Variants in PRICKLE2 observed in about 807,000 individuals in gnomAD.
PRICKLE2 encodes the protein prickle-like protein 2.
A neutral mutation model predicts 81.4 loss-of-function variants in PRICKLE2; 21 were observed. The observed-to-expected ratio is 0.26, with a 90% CI of 0.18 to 0.37. The LOEUF (loss-of-function observed/expected upper bound fraction) is 0.37. Among genes scored for constraint, PRICKLE2 ranks in the 10% least tolerant of loss-of-function variants. PRICKLE2 has a pLI of 1.00. For missense variants in PRICKLE2, 940 were observed against 1,109.0 expected (o/e 0.85, Z 2.16); for synonymous variants, 456 against 421.5 (o/e 1.08, Z -1.00).
intron 7 of PRICKLE2, among the ~76,000 whole-genome samples, chr3:64,109,183 G>C (rs967036981): frequency 6.6e-6 from 1 of 152,162 alleles, no homozygotes; most frequent in African/African-American, 2.4e-5. Flanking sequence ...TCTTTCTAGA[G>C]AAGGATTATC....
intron 7 of PRICKLE2, among the ~76,000 whole-genome samples, chr3:64,103,312 A>C (rs370282320): frequency 5.3e-5 from 8 of 152,190 alleles, no homozygotes; most frequent in African/African-American, 1.9e-4. Context: ...GAATTTTCCA[A>C]ACCAAACTGT....
chr3:64,258,960 T>C (rs1417629429), intron 2 of PRICKLE2, among the ~76,000 whole-genome samples: 1 of 152,040 alleles, frequency 6.6e-6, no homozygotes, highest in Non-Finnish European at 1.5e-5. Context: ...GGTAATATTT[T>C]ATTTCTTGAT....
Position 64,095,896 on chromosome 3 carries a change from C to A in PRICKLE2, c.*3155G>T, listed in dbSNP as rs909334019. On this transcript the variant is annotated 3_prime_UTR_variant, in exon 8 of 8. Transcript: ENST00000638394. ...CTCCCTTACCTCATTCACCTTCACACTTGGTAGAGATCCCACAACTATATG... is the reference window on the plus strand; with the variant it reads ...CTCCCTTACCTCATTCACCTTCACAATTGGTAGAGATCCCACAACTATATG... 5 of 152,232 alleles carry A rather than the reference C, an allele frequency of 3.3e-5. No homozygotes were observed. The highest frequency in any genetic ancestry group is 1.2e-4 in the African/African-American group (5 of 41,448). The allele number at this position is 152,232 out of a possible 1,614,324, so 9.4% of individuals were successfully genotyped here. A position where few individuals can be genotyped will look rare whatever the true frequency, so the allele number is the denominator to read the frequency against.
At chr3:64,100,030 A>G (rs565413382) in intron 7 of PRICKLE2, 105 bp from the exon 8 acceptor site, 1 of 1,307,920 alleles carries the variant, frequency 7.6e-7, no homozygotes, top group Admixed American at 1.7e-5. Flanking sequence ...ACCGTTGTGA[A>G]GTTGTGTACT....
intron 4 of PRICKLE2, among the ~76,000 whole-genome samples, chr3:64,159,504 A>C (rs1298841817): frequency 6.6e-6 from 1 of 152,120 alleles, no homozygotes; most frequent in Non-Finnish European, 1.5e-5. Context: ...CCATTGGCCA[A>C]CTCACTGTTG....
intron 1 of PRICKLE2, among the ~76,000 whole-genome samples, chr3:64,217,595 T>C (rs759473466): frequency 6.6e-6 from 1 of 152,212 alleles, no homozygotes; most frequent in Non-Finnish European, 1.5e-5. Flanking sequence ...TTTACTAAAC[T>C]GGAAAGAGAA....
At chr3:64,215,024 T>G (rs1251634483) in intron 1 of PRICKLE2, among the ~76,000 whole-genome samples, 1 of 152,132 alleles carries the variant, frequency 6.6e-6, no homozygotes, top group African/African-American at 2.4e-5. Context: ...CCTGCCTCCA[T>G]GCCTGCCCTT....
At chr3:64,110,456 T>A (rs557126524) in intron 7 of PRICKLE2, among the ~76,000 whole-genome samples, 1 of 152,232 alleles carries the variant, frequency 6.6e-6, no homozygotes, top group South Asian at 2.1e-4. Context: ...CGTAGAAGGA[T>A]ATGACCTAGT....
intron 1 of PRICKLE2, among the ~76,000 whole-genome samples, chr3:64,221,273 C>G (rs1461058510): frequency 6.6e-6 from 1 of 152,204 alleles, no homozygotes; most frequent in East Asian, 1.9e-4. Context: ...GCCTTATCCC[C>G]AGGGAAATAA....
chr3:64,180,909 G>T (rs1381662141), intron 2 of PRICKLE2, among the ~76,000 whole-genome samples: 1 of 152,116 alleles, frequency 6.6e-6, no homozygotes, highest in East Asian at 1.9e-4. Context: ...AAATCAATGG[G>T]GAGAAAATGA....
chr3:64,145,369 G>T (rs897073366), intron 7 of PRICKLE2: 1 of 144,398 alleles, frequency 6.9e-6, no homozygotes, highest in African/African-American at 2.6e-5. Flanking sequence ...ATATACACAC[G>T]CTATATATTT....
At position 64,099,885 on chromosome 3, in the gene PRICKLE2, T is replaced by C. The variant is rs1192406278; in HGVS notation, c.1701A>G (p.Leu567=). ...TGAGGTCAGGCATGGAAAATCGGGA[T>C]AGGTGCTCCTGGCGCTTGGCACCAC... ...ADGGAKRQEH[L]SRFSMPDLSK... The change falls in exon 8 of 8, where the codon CTA becomes CTG. Residue 567 remains leucine, a synonymous_variant. Transcript: ENST00000638394. This position sits in a 1 kb window ranked among gnomAD's most constrained non-coding sequence, Gnocchi z 4.3. 1.9e-6 allele frequency: 3 copies of C among 1,614,084 alleles called. No individual in the cohort carries two copies. The highest frequency in any genetic ancestry group is 2.5e-6 in the Non-Finnish European group (3 of 1,180,038).
intron 2 of PRICKLE2, among the ~76,000 whole-genome samples, chr3:64,265,513 T>C (rs1003705462): frequency 2.2e-4 from 34 of 152,294 alleles, no homozygotes; most frequent in African/African-American, 7.2e-4. Flanking sequence ...AAAAACAGCC[T>C]GGGGAGCACA....
At chr3:64,218,432 C>A (rs563383025) in intron 1 of PRICKLE2, among the ~76,000 whole-genome samples, 1 of 152,150 alleles carries the variant, frequency 6.6e-6, no homozygotes, top group African/African-American at 2.4e-5. Flanking sequence ...TAAGTTGTGA[C>A]GGTTCCAGAG....
Position 64,165,963 on chromosome 3 carries a change from G to GGTGTGTGTGT in PRICKLE2, c.145-2844_145-2835dup, listed in dbSNP as rs67554015. On this transcript the variant is annotated intron_variant, in intron 2 of 7. Coordinates refer to ENST00000638394, the MANE Select transcript of PRICKLE2 (RefSeq NM_198859.4). ...GGGAAAAATGGCAAACTGTTATAAA[G>GGTGTGTGTGT]GTGTGTGTGTGTGTGTGTGTGTGTG... Among the ~76,000 whole-genome samples, 535 of 61,788 alleles carry GGTGTGTGTGT rather than the reference G, an allele frequency of 8.7e-3. 1 individual carries two copies. Among genetic ancestry groups the GGTGTGTGTGT allele is most frequent in the African/African-American group, 0.011 (248 of 22,892 alleles). The allele number at this position is 61,788 out of a possible 152,430, so 40.5% of individuals were successfully genotyped here.
intron 6 of PRICKLE2, among the ~76,000 whole-genome samples, chr3:64,148,696 T>C (rs1014875501): frequency 6.6e-6 from 1 of 152,148 alleles, no homozygotes; most frequent in Admixed American, 6.5e-5. Context: ...ATGAATGAGA[T>C]TAGTGCCCTT....
chr3:64,226,267 T>G (rs901637643), upstream of PRICKLE2, among the ~76,000 whole-genome samples: 14 of 152,150 alleles, frequency 9.2e-5, no homozygotes, highest in African/African-American at 3.1e-4. Context: ...AGATAGAGCT[T>G]TTGTTGAATA....
intron 2 of PRICKLE2, among the ~76,000 whole-genome samples, chr3:64,237,246 G>T (rs1396933029): frequency 6.6e-6 from 1 of 152,160 alleles, no homozygotes; most frequent in Admixed American, 6.5e-5. Flanking sequence ...TCAGTGGAGG[G>T]TCAGTGTGAC....
chr3:64,227,647 T>A, upstream of PRICKLE2, among the ~76,000 whole-genome samples: 1 of 152,104 alleles, frequency 6.6e-6, no homozygotes, highest in East Asian at 1.9e-4. Context: ...ACTTGCTAGG[T>A]CTATGACTTG....
Sources: allele counts gnomAD v4.1 joint callset (sites outside exome capture counted in the v4.1 genomes callset), GRCh38; gene constraint gnomAD v4.1.1; non-coding constraint Gnocchi (gnomAD v3.1); transcripts MANE v1.5; gene names NCBI Gene and HGNC (gene_info 2026-07-23, HGNC 2026-07-21).